HNRNPR: variants seen among roughly 807,000 people sequenced by gnomAD.
HNRNPR encodes the protein heterogeneous nuclear ribonucleoprotein R.
In HNRNPR, 4 loss-of-function variants were observed where a neutral mutation model predicts 70.3. That is an observed-to-expected ratio of 0.06 (90% confidence interval 0.03 to 0.13). HNRNPR has a LOEUF of 0.13. Ranked by LOEUF, HNRNPR falls within the 10% of genes least tolerant of loss-of-function variation. The probability of loss-of-function intolerance (pLI) is 1.00; values close to 1 mark genes in which losing one functional copy is unlikely to be tolerated. For missense variants in HNRNPR, 423 were observed against 788.5 expected (o/e 0.54, Z 5.55); for synonymous variants, 241 against 267.6 (o/e 0.90, Z 0.97).
intron 7 of HNRNPR, among the ~76,000 whole-genome samples, chr1:23,320,036 A>G (rs1337222637): frequency 3.3e-5 from 5 of 152,048 alleles, no homozygotes; most frequent in African/African-American, 9.7e-5. Context: ...TATTCCTTTA[A>G]TTTTTATTTT....
chr1:23,320,939 G>A (rs755197480), intron 7 of HNRNPR, among the ~76,000 whole-genome samples: 6 of 152,118 alleles, frequency 3.9e-5, no homozygotes, highest in Non-Finnish European at 5.9e-5. Context: ...GGCCGAGGCG[G>A]GAGGATCACC....
chr1:23,320,863 G>T (rs983565991), intron 7 of HNRNPR, among the ~76,000 whole-genome samples: 1 of 152,004 alleles, frequency 6.6e-6, no homozygotes, highest in African/African-American at 2.4e-5. Context: ...ATTTAGAATT[G>T]GATATTTAAA....
At chr1:23,329,340 A>G (rs144143251) in intron 5 of HNRNPR, among the ~76,000 whole-genome samples, 1 of 152,352 alleles carries the variant, frequency 6.6e-6, no homozygotes, top group East Asian at 1.9e-4. Flanking sequence ...TGTTCCTTTT[A>G]AAGTTTTTAA....
chr1:23,341,351 T>C (rs997420603), intron 1 of HNRNPR, among the ~76,000 whole-genome samples: 11 of 152,172 alleles, frequency 7.2e-5, no homozygotes, highest in Non-Finnish European at 1.6e-4. Flanking sequence ...AATCCTTTAC[T>C]AAAAAGCCCC....
chr1:23,318,760 T>C lies in HNRNPR; in HGVS notation c.812-72A>G, dbSNP rs1245804125. ...CATCTAGCGATTAGGCAGACCTAAATCCACTTGACGATGAGCAAAATATAA... is the reference window on the plus strand; with the variant it reads ...CATCTAGCGATTAGGCAGACCTAAACCCACTTGACGATGAGCAAAATATAA... On this transcript the variant is annotated intron_variant, in intron 7 of 10. Coordinates refer to ENST00000302271, the MANE Select transcript of HNRNPR (RefSeq NM_005826.5). The surrounding 1 kb of genome is among the most constrained non-coding windows in gnomAD (Gnocchi z 4.2). 1.2e-5 allele frequency: 18 copies of C among 1,468,982 alleles called. No homozygotes were observed. The highest frequency in any genetic ancestry group is 1.4e-5 in the Non-Finnish European group (15 of 1,066,176). 91.0% of individuals were successfully genotyped at this position (1,468,982 alleles called of 1,614,324 possible).
intron 1 of HNRNPR, among the ~76,000 whole-genome samples, chr1:23,341,987 T>C (rs1441188445): frequency 2.0e-5 from 3 of 152,156 alleles, no homozygotes; most frequent in Non-Finnish European, 2.9e-5. Context: ...AGACAGGGAA[T>C]TAAAGTGCAT....
At chr1:23,315,442 G>A (rs957391050) in intron 8 of HNRNPR, among the ~76,000 whole-genome samples, 7 of 152,124 alleles carry the variant, frequency 4.6e-5, no homozygotes, top group Non-Finnish European at 5.9e-5. Context: ...TAGTAATGAT[G>A]TATTTCCTCA....
rs907506454 is a variant in HNRNPR at position 23,307,929 on chromosome 1, C to T, written c.*2525G>A. The T allele has an allele frequency of 4.0e-5, 6 of 151,572 alleles. No homozygotes were observed. In the South Asian group the frequency reaches 6.2e-4, roughly 16 times the overall value. The allele number at this position is 151,572 out of a possible 1,614,324, so 9.4% of individuals were successfully genotyped here. ...TACCTAATTTAAAAAAAAAAAAATG[C>T]CAATCTAGAATAAAGACCTCCCTCA... On this transcript the variant is annotated 3_prime_UTR_variant, in exon 11 of 11. Transcript: ENST00000302271.
chr1:23,335,408 A>G (rs895817340), intron 4 of HNRNPR, among the ~76,000 whole-genome samples: 1 of 152,272 alleles, frequency 6.6e-6, no homozygotes, highest in Non-Finnish European at 1.5e-5. Flanking sequence ...GTACTGGTCC[A>G]TGGCCTGTTA....
chr1:23,335,428 C>T (rs1258475788), intron 4 of HNRNPR, among the ~76,000 whole-genome samples: 1 of 152,240 alleles, frequency 6.6e-6, no homozygotes, highest in Non-Finnish European at 1.5e-5. Context: ...AGGAACCGGG[C>T]TGCATAGCAG....
chr1:23,332,632 G>A (rs1362888581), intron 5 of HNRNPR, among the ~76,000 whole-genome samples: 2 of 149,854 alleles, frequency 1.3e-5, no homozygotes. Flanking sequence ...CTTAGGAGGT[G>A]GAGGTTGCAG....
chr1:23,312,942 G>C, intron 9 of HNRNPR, among the ~76,000 whole-genome samples: 1 of 152,188 alleles, frequency 6.6e-6, no homozygotes, highest in Admixed American at 6.5e-5. Context: ...AACCATTGTC[G>C]ATAGAAAGCA....
In HNRNPR at chr1:23,309,817, A is replaced by G. The variant is rs1313933183; in HGVS notation, c.*637T>C. The G allele has an allele frequency of 6.6e-6, 1 of 152,636 alleles. No individual in the cohort carries two copies. The highest frequency in any genetic ancestry group is 1.5e-5 in the Non-Finnish European group (1 of 68,022). The allele number at this position is 152,636 out of a possible 1,614,324, so 9.5% of individuals were successfully genotyped here. ...GAATAGATTTTTTAGTTTTATTGAA[A>G]TCTTACATGAACAAGAAATTGGAAA... On this transcript the variant is annotated 3_prime_UTR_variant, in exon 11 of 11. Coordinates refer to ENST00000302271, the MANE Select transcript of HNRNPR (RefSeq NM_005826.5).
Position 23,333,535 on chromosome 1 carries a change from G to A in HNRNPR, c.481C>T (p.Pro161Ser). The change falls in exon 5 of 11, where the codon CCT becomes TCT. Residue 161 changes from proline (P) to serine (S), a missense_variant. Physicochemically the swap from Pro to Ser is moderately conservative, Grantham distance 74 (BLOSUM62 -1). This residue lies in a region of HNRNPR where 118 missense variants were observed against 239.3 expected (regional missense o/e 0.49). Transcript: ENST00000302271. ...PPDSVYSGVQ[P>S]GIGTEVFVGK... ...ACACTTACCTCCGTTCCAATTCCAGGTTGCACGCCAGAGTACACACTGTCT... is the reference window on the plus strand; with the variant it reads ...ACACTTACCTCCGTTCCAATTCCAGATTGCACGCCAGAGTACACACTGTCT... 1 of 1,609,564 alleles carries A rather than the reference G, an allele frequency of 6.2e-7. No individual in the cohort carries two copies.
chr1:23,324,881 C>T (rs1022220926), intron 5 of HNRNPR, among the ~76,000 whole-genome samples: 1 of 152,158 alleles, frequency 6.6e-6, no homozygotes, highest in Non-Finnish European at 1.5e-5. Flanking sequence ...TGGCTCACGC[C>T]TGTAATCCCA....
At chr1:23,330,574 A>G (rs562133013) in intron 5 of HNRNPR, among the ~76,000 whole-genome samples, 26 of 152,296 alleles carry the variant, frequency 1.7e-4, no homozygotes, top group African/African-American at 5.5e-4. Context: ...TTCCCAAAGC[A>G]GCTTAACAAT....
intron 5 of HNRNPR, among the ~76,000 whole-genome samples, chr1:23,331,024 C>T (rs1366761456): frequency 6.6e-6 from 1 of 152,124 alleles, no homozygotes; most frequent in Admixed American, 6.5e-5. Flanking sequence ...ATCTCATGAA[C>T]TTTAACTTTA....
At chr1:23,333,689 A>G (rs1185937912) in intron 4 of HNRNPR, 58 bp from the exon 5 acceptor site, 2 of 983,274 alleles carry the variant, frequency 2.0e-6, no homozygotes, top group Non-Finnish European at 3.2e-6. Flanking sequence ...CACAAGCATC[A>G]GTGTATTAAT....
Position 23,333,620 on chromosome 1 carries a change from C to T in HNRNPR, c.396G>A (p.Glu132=), listed in dbSNP as rs1357894671. The change falls in exon 5 of 11, where the codon GAG becomes GAA. Residue 132 remains glutamate (E), a synonymous_variant. Coordinates refer to ENST00000302271, the MANE Select transcript of HNRNPR (RefSeq NM_005826.5). ...TTACATCCAGAGTATAACCAGTTCT[C>T]TCAAGCAAGGCCTAGAGATAATTAT... ...PDEAKIKALL[E]RTGYTLDVTT... The T allele has an allele frequency of 6.2e-7, 1 of 1,600,210 alleles. No homozygotes were observed.
Sources: gnomAD v4.1 joint callset for allele counts (sites outside exome capture counted in the v4.1 genomes callset) on GRCh38, gnomAD v4.1.1 for gene constraint, gnomAD v4.1.1 regional missense constraint, Gnocchi (gnomAD v3.1) non-coding constraint, MANE v1.5 for transcripts, NCBI Gene and HGNC (gene_info 2026-07-23, HGNC 2026-07-21) for gene names.